Variants in WWOX observed in about 807,000 individuals in gnomAD.
WWOX encodes the protein WW domain-containing oxidoreductase.
In WWOX, 69 loss-of-function variants were observed where a neutral mutation model predicts 46.2. That is an observed-to-expected ratio of 1.49 (90% confidence interval 1.23 to 1.82). The LOEUF is 1.82. Among genes scored for constraint, WWOX ranks in the 40% most tolerant of loss-of-function variants. WWOX has a pLI of 0.00. For missense variants in WWOX, 919 were observed against 542.6 expected, an observed-to-expected ratio of 1.69 and a Z score of -6.89; for synonymous variants, 359 against 202.6, an observed-to-expected ratio of 1.77 and a Z score of -6.56.
intron 8 of WWOX, among the ~76,000 whole-genome samples, chr16:78,616,624 C>G (rs1483455947): frequency 6.6e-6 from 1 of 151,750 alleles, no homozygotes; most frequent in Non-Finnish European, 1.5e-5. Context: ...AAAAACTTAG[C>G]CAGGCTCGGT....
At chr16:79,047,088 C>G (rs370811126) in intron 8 of WWOX, among the ~76,000 whole-genome samples, 1 of 152,334 alleles carries the variant, frequency 6.6e-6, no homozygotes, top group East Asian at 1.9e-4. Context: ...CTCCTTTCAA[C>G]CAGCATGCCA....
Position 78,704,933 on chromosome 16 carries a change from T to TA in WWOX, c.1056+272181_1056+272182insA, listed in dbSNP as rs1449084599. On this transcript the variant is annotated intron_variant, in intron 8 of 8. Coordinates refer to ENST00000566780, the MANE Select transcript of WWOX (RefSeq NM_016373.4). The stretch of plus-strand genomic sequence containing the variant: ...AAAATACAACTTGTTTTTTTTTTTT[T>TA]TAAAGAGGAGGAAGCCTTAAAAACC... Among the ~76,000 whole-genome samples the TA allele has an allele frequency of 3.3e-3, 498 of 151,772 alleles. 3 individuals are homozygous for TA. Among genetic ancestry groups the TA allele is most frequent in the African/African-American group, 0.011 (469 of 41,246 alleles).
At chr16:78,727,286 C>G (rs776916468) in intron 8 of WWOX, among the ~76,000 whole-genome samples, 13 of 152,300 alleles carry the variant, frequency 8.5e-5, no homozygotes, top group African/African-American at 3.1e-4. Context: ...GTAATCCCAG[C>G]TGCTAGGGAG....
chr16:78,709,527 C>G (rs1303792736), intron 8 of WWOX, among the ~76,000 whole-genome samples: 2 of 152,100 alleles, frequency 1.3e-5, no homozygotes, highest in Admixed American at 6.5e-5. Context: ...GACGGTGTGC[C>G]TCTTCTCTTC....
In WWOX at chr16:78,802,926, AAAAAAAAAAAAAAAAAC is replaced by A. The variant is rs1459807048; in HGVS notation, c.1056+370177_1056+370193del. Among the ~76,000 whole-genome samples, 48 of 110,418 alleles carry A rather than the reference AAAAAAAAAAAAAAAAAC, an allele frequency of 4.3e-4. 6 individuals are homozygous for A. The highest frequency in any genetic ancestry group is 1.6e-3 in the African/African-American group (44 of 27,568). 72.4% of individuals were successfully genotyped at this position (110,418 alleles called of 152,430 possible). Reference sequence around the variant, plus strand: ...GCAAGACTTCATCTGAAAAAAAAAAAAAAAAAAAAAAAAAAACAACAAACAGAAAAATGAACGAGTGA... The same window carrying A: ...GCAAGACTTCATCTGAAAAAAAAAAAAACAAACAGAAAAATGAACGAGTGA... On this transcript the variant is annotated intron_variant, in intron 8 of 8. Transcript: ENST00000566780.
At chr16:78,799,505 T>C (rs2050829384) in intron 8 of WWOX, among the ~76,000 whole-genome samples, 1 of 152,190 alleles carries the variant, frequency 6.6e-6, no homozygotes, top group Non-Finnish European at 1.5e-5. Context: ...TTAAATAATA[T>C]CGTCATCACA....
chr16:78,897,162 A>T, intron 8 of WWOX: 1 of 139,840 alleles, frequency 7.2e-6, no homozygotes, highest in South Asian at 2.5e-4. Flanking sequence ...AGGCTTGAGT[A>T]TCGCCTGGGA....
At chr16:78,886,787 T>A (rs2151221749) in intron 8 of WWOX, among the ~76,000 whole-genome samples, 1 of 152,194 alleles carries the variant, frequency 6.6e-6, no homozygotes, top group East Asian at 1.9e-4. Flanking sequence ...AAATTCTGGT[T>A]CCACCTGCAA....
intron 5 of WWOX, among the ~76,000 whole-genome samples, chr16:78,311,975 G>C (rs1299560330): frequency 6.6e-6 from 1 of 152,224 alleles, no homozygotes; most frequent in African/African-American, 2.4e-5. Context: ...TACATTTCCT[G>C]GCCTTTTCCA....
chr16:78,816,502 CTTTTTT>C (rs55814418), intron 8 of WWOX, among the ~76,000 whole-genome samples: 21 of 42,088 alleles, frequency 5.0e-4, no homozygotes, highest in African/African-American at 1.8e-3. Flanking sequence ...AGGAGCCACT[CTTTTTT>C]TTTTTTTTTT....
At chr16:78,133,766 C>A (rs1012850490) in intron 4 of WWOX, among the ~76,000 whole-genome samples, 1 of 152,176 alleles carries the variant, frequency 6.6e-6, no homozygotes, top group Non-Finnish European at 1.5e-5. Flanking sequence ...AATCAGACTG[C>A]TAGAACCTCC....
At chr16:78,925,743 C>G (rs188767215) in intron 8 of WWOX, among the ~76,000 whole-genome samples, 1 of 152,154 alleles carries the variant, frequency 6.6e-6, no homozygotes. Flanking sequence ...TTGTTTCTCT[C>G]TAAGGGTGAA....
chr16:79,105,174 A>T (rs2049283410), intron 8 of WWOX, among the ~76,000 whole-genome samples: 2 of 152,308 alleles, frequency 1.3e-5, no homozygotes, highest in South Asian at 2.1e-4. Flanking sequence ...CAGGAACAGA[A>T]CCAGCACCCC....
chr16:78,628,755 A>G (rs750834620), intron 8 of WWOX, among the ~76,000 whole-genome samples: 12 of 152,116 alleles, frequency 7.9e-5, no homozygotes, highest in Admixed American at 2.0e-4. Flanking sequence ...TTTCAAATGA[A>G]TTATGAAAGG....
At chr16:79,070,034 A>G (rs1013467984) in intron 8 of WWOX, among the ~76,000 whole-genome samples, 1 of 152,226 alleles carries the variant, frequency 6.6e-6, no homozygotes, top group Non-Finnish European at 1.5e-5. Flanking sequence ...TTTATTTCCT[A>G]TTCCAAAATA....
intron 5 of WWOX, among the ~76,000 whole-genome samples, chr16:78,175,102 A>G (rs2035296703): frequency 6.6e-6 from 1 of 152,082 alleles, no homozygotes; most frequent in Non-Finnish European, 1.5e-5. Context: ...CCATCCGTAG[A>G]GGGCAGAAAG....
chr16:78,956,008 A>C (rs903439396), intron 8 of WWOX, among the ~76,000 whole-genome samples: 3 of 152,156 alleles, frequency 2.0e-5, no homozygotes, highest in Admixed American at 2.0e-4. Flanking sequence ...AAACACAAAA[A>C]AAACTTTTTT....
At chr16:78,517,541 G>C (rs1012287052) in intron 8 of WWOX, among the ~76,000 whole-genome samples, 1 of 152,152 alleles carries the variant, frequency 6.6e-6, no homozygotes. Flanking sequence ...TTCAACAGGG[G>C]ATACAAATGG....
At chr16:78,712,928 T>G in intron 8 of WWOX, among the ~76,000 whole-genome samples, 1 of 152,056 alleles carries the variant, frequency 6.6e-6, no homozygotes, top group Non-Finnish European at 1.5e-5. Context: ...TAAGAAAATA[T>G]TATTCAGAGG....
Sources: allele counts gnomAD v4.1 joint callset (sites outside exome capture counted in the v4.1 genomes callset), GRCh38; gene constraint gnomAD v4.1.1; transcripts MANE v1.5; gene names NCBI Gene and HGNC (gene_info 2026-07-23, HGNC 2026-07-21).